Variants in C8orf34 observed in about 807,000 individuals in gnomAD.
C8orf34 encodes chromosome 8 open reading frame 34.
Under a neutral mutation model 68.3 loss-of-function variants are expected in C8orf34, and 65 were observed. That is an observed-to-expected ratio of 0.95 (90% CI 0.78 to 1.17). The LOEUF (loss-of-function observed/expected upper bound fraction) is 1.17, where lower values mean the gene tolerates loss of function less well. Among genes scored for constraint, C8orf34 ranks in the 50% most tolerant of loss-of-function variants. The probability of loss-of-function intolerance (pLI) is 0.00; values close to 1 mark genes in which losing one functional copy is unlikely to be tolerated. For missense variants in C8orf34, 664 were observed against 655.4 expected (o/e 1.01, Z -0.14); for synonymous variants, 244 against 241.2 (o/e 1.01, Z -0.11).
chr8:68,620,997 T>C (rs1364866118), intron 7 of C8orf34, among the ~76,000 whole-genome samples: 2 of 152,158 alleles, frequency 1.3e-5, no homozygotes, highest in South Asian at 2.1e-4. Flanking sequence ...TAGAAATATA[T>C]AAATATTTGC....
intron 10 of C8orf34, among the ~76,000 whole-genome samples, chr8:68,723,783 T>C (rs185726601): frequency 6.7e-4 from 102 of 152,254 alleles, no homozygotes; most frequent in Middle Eastern, 3.4e-3. Flanking sequence ...TTGGCTTCCT[T>C]AATAATACAT....
intron 8 of C8orf34, 94 bp downstream of exon 8, chr8:68,640,605 A>C: frequency 7.9e-7 from 1 of 1,261,662 alleles, no homozygotes; most frequent in South Asian, 1.5e-5. Context: ...CTGTGTTAAG[A>C]ACATCTTTTC....
At chr8:68,584,386 C>A (rs1410175562) in intron 7 of C8orf34, among the ~76,000 whole-genome samples, 2 of 152,162 alleles carry the variant, frequency 1.3e-5, no homozygotes, top group African/African-American at 2.4e-5. Flanking sequence ...ATATGGATAT[C>A]CACTCTCCTC....
chr8:68,609,349 G>A lies in C8orf34; in HGVS notation c.1106-31027G>A, dbSNP rs553913307. Reference sequence around the variant, plus strand: ...GTATCTAGGGGTTACTAGTATGCACGTGATAGTTGAAACCCTTGGTAATGA... The same window carrying A: ...GTATCTAGGGGTTACTAGTATGCACATGATAGTTGAAACCCTTGGTAATGA... On this transcript the variant is annotated intron_variant, in intron 7 of 13. Transcript: ENST00000518698. Among the ~76,000 whole-genome samples the A allele has an allele frequency of 5.9e-5, 9 of 152,218 alleles. No homozygotes were observed. The South Asian group carries it at 1.0e-3, about 18-fold the overall frequency.
At chr8:68,790,364 A>G (rs1011935263) in intron 12 of C8orf34, among the ~76,000 whole-genome samples, 2 of 152,206 alleles carry the variant, frequency 1.3e-5, no homozygotes, top group African/African-American at 4.8e-5. Context: ...CATTTCAACA[A>G]CACCTGTTTC....
At chr8:68,595,752 C>T (rs1817530861) in intron 7 of C8orf34, among the ~76,000 whole-genome samples, 1 of 152,032 alleles carries the variant, frequency 6.6e-6, no homozygotes. Context: ...GTATATCTTT[C>T]TCTTAATTTT....
intron 1 of C8orf34, among the ~76,000 whole-genome samples, chr8:68,417,153 A>G (rs1809708668): frequency 6.6e-6 from 1 of 152,174 alleles, no homozygotes; most frequent in Admixed American, 6.6e-5. Context: ...CTTTAATTGA[A>G]ATATTTCTAA....
At chr8:68,531,541 C>G (rs934224865) in intron 6 of C8orf34, among the ~76,000 whole-genome samples, 5 of 152,002 alleles carry the variant, frequency 3.3e-5, no homozygotes, top group African/African-American at 1.2e-4. Flanking sequence ...GATGTACTTT[C>G]TTATTATATC....
intron 7 of C8orf34, chr8:68,535,287 C>A (rs975359958): frequency 2.2e-5 from 22 of 980,176 alleles, no homozygotes; most frequent in African/African-American, 8.8e-5. Flanking sequence ...TATTTAAAAT[C>A]TTTTTGAATC....
At chr8:68,440,559 G>T (rs1250183407) in intron 2 of C8orf34, among the ~76,000 whole-genome samples, 2 of 152,110 alleles carry the variant, frequency 1.3e-5, no homozygotes, top group Non-Finnish European at 2.9e-5. Flanking sequence ...CATATAGGAA[G>T]TTAGAATATG....
chr8:68,690,149 A>G (rs1042513205), intron 8 of C8orf34, among the ~76,000 whole-genome samples: 5 of 152,086 alleles, frequency 3.3e-5, no homozygotes, highest in Admixed American at 3.3e-4. Context: ...TGAAGCAAAC[A>G]GATACATTTC....
intron 10 of C8orf34, among the ~76,000 whole-genome samples, chr8:68,751,975 T>C (rs1405355714): frequency 6.6e-6 from 1 of 152,102 alleles, no homozygotes; most frequent in African/African-American, 2.4e-5. Context: ...GATCATAAGA[T>C]GAAAGCATTA....
At chr8:68,468,365 C>CT (rs559438530) in intron 3 of C8orf34, among the ~76,000 whole-genome samples, 71 of 151,990 alleles carry the variant, frequency 4.7e-4, no homozygotes, top group African/African-American at 1.3e-3. Flanking sequence ...GGAGTTAGTG[C>CT]TTTTTTTAGG....
At chr8:68,549,103 TAA>T (rs1563523516) in intron 7 of C8orf34, among the ~76,000 whole-genome samples, 1 of 151,754 alleles carries the variant, frequency 6.6e-6, no homozygotes, top group African/African-American at 2.4e-5. Flanking sequence ...AGGACACAGA[TAA>T]AAGGATGTGA....
intron 7 of C8orf34, among the ~76,000 whole-genome samples, chr8:68,632,229 G>C (rs765083784): frequency 6.6e-6 from 1 of 152,138 alleles, no homozygotes; most frequent in Non-Finnish European, 1.5e-5. Flanking sequence ...GGTCACTCTT[G>C]TTATATCTTA....
At chr8:68,543,669 A>G (rs185825142) in intron 7 of C8orf34, among the ~76,000 whole-genome samples, 1 of 152,330 alleles carries the variant, frequency 6.6e-6, no homozygotes, top group Admixed American at 6.5e-5. Flanking sequence ...ATTAAACACT[A>G]ACTATGCAAC....
At chr8:68,345,791 T>C (rs1806258560) in intron 1 of C8orf34, among the ~76,000 whole-genome samples, 2 of 152,074 alleles carry the variant, frequency 1.3e-5, no homozygotes, top group South Asian at 4.1e-4. Flanking sequence ...GTGTGGTGTA[T>C]GTGTCAAGGT....
intron 9 of C8orf34, among the ~76,000 whole-genome samples, chr8:68,716,884 AAACCTGAATGCCTTT>A (rs1218871149): frequency 1.1e-4 from 17 of 151,878 alleles, no homozygotes; most frequent in Non-Finnish European, 2.2e-4. Flanking sequence ...TATGCAGTAG[AAACCTGAATGCCTTT>A]CAACTACATA....
chr8:68,558,434 A>G (rs1472988903), intron 7 of C8orf34, among the ~76,000 whole-genome samples: 1 of 152,134 alleles, frequency 6.6e-6, no homozygotes, highest in East Asian at 1.9e-4. Flanking sequence ...CTTACAATAA[A>G]TTAAATTGTT....
Sources: allele counts gnomAD v4.1 joint callset (sites outside exome capture counted in the v4.1 genomes callset), GRCh38; gene constraint gnomAD v4.1.1; transcripts MANE v1.5; gene names NCBI Gene and HGNC (gene_info 2026-07-23, HGNC 2026-07-21).